Variants in ABCB4 observed in about 807,000 individuals in gnomAD.
ABCB4 encodes the protein phosphatidylcholine translocator ABCB4.
A neutral mutation model predicts 145.7 loss-of-function variants in ABCB4; 76 were observed. The observed-to-expected ratio is 0.52, with a 90% CI of 0.43 to 0.63. ABCB4 has a LOEUF of 0.63. Among genes scored for constraint, ABCB4 ranks in the 30% least tolerant of loss-of-function variants. The pLI, the probability that ABCB4 is intolerant of heterozygous loss-of-function variation, is 0.00. For synonymous variants in ABCB4, 517 were observed against 566.8 expected (o/e 0.91, Z 1.25); for missense variants, 1,234 against 1,553.1 (o/e 0.79, Z 3.45).
chr7:87,472,595 T>G, intron 3 of ABCB4, 26 bp downstream of exon 3: 2 of 1,566,216 alleles, frequency 1.3e-6, no homozygotes, highest in East Asian at 4.5e-5. Context: ...GGTAGGATTA[T>G]TCACATTTAA....
Position 87,453,152 on chromosome 7 carries a change from A to G in ABCB4, c.345-17T>C, listed in dbSNP as rs376097199. The G allele has an allele frequency of 2.5e-6, 4 of 1,609,184 alleles. No homozygotes were observed. The highest frequency in any genetic ancestry group is 2.6e-6 in the Non-Finnish European group (3 of 1,175,718). On this transcript the variant is annotated splice_polypyrimidine_tract_variant and intron_variant, in intron 5 of 27. Transcript: ENST00000649586. Reference sequence around the variant, plus strand: ...TATGCATATCTGAAAAAAAAGAGAAAGGCTCTATTAAATACCTTCTCTTTT... The same window carrying G: ...TATGCATATCTGAAAAAAAAGAGAAGGGCTCTATTAAATACCTTCTCTTTT...
chr7:87,454,337 C>T (rs1332918850), intron 5 of ABCB4, among the ~76,000 whole-genome samples, 198 bp downstream of exon 5: 1 of 152,078 alleles, frequency 6.6e-6, no homozygotes, highest in Non-Finnish European at 1.5e-5. Context: ...AAGAAAATAT[C>T]CTTATTCTTA....
intron 3 of ABCB4, among the ~76,000 whole-genome samples, chr7:87,466,263 A>T (rs1812889692): frequency 6.6e-6 from 1 of 152,254 alleles, no homozygotes; most frequent in Non-Finnish European, 1.5e-5. Context: ...CACAAGCTTC[A>T]GTAGCCAATT....
At chr7:87,443,967 T>C (rs558932591) in intron 10 of ABCB4, among the ~76,000 whole-genome samples, 194 bp from the exon 11 acceptor site, 1 of 152,212 alleles carries the variant, frequency 6.6e-6, no homozygotes, top group Non-Finnish European at 1.5e-5. Flanking sequence ...CAGAAAATAG[T>C]GTTTTCCTGA....
rs900399695 is a variant in ABCB4, at chr7:87,424,112, G to GACTGGT, written c.2065-61_2065-60insACCAGT. On this transcript the variant is annotated intron_variant, in intron 16 of 27. Coordinates refer to ENST00000649586, the MANE Select transcript of ABCB4 (RefSeq NM_000443.4). ...GACACAACAGTTACCAGAGTCTGTA[G>GACTGGT]ACATAGAAAAGGCATGGCCATTGCC... is the stretch of plus-strand genomic sequence containing the variant. 2.0e-4 allele frequency: 328 copies of GACTGGT among 1,611,512 alleles called. No individual in the cohort carries two copies. In the African/African-American group the frequency reaches 4.0e-3, roughly 20 times the overall value.
At chr7:87,405,673 C>T (rs959898246) in intron 26 of ABCB4, among the ~76,000 whole-genome samples, 1 of 152,136 alleles carries the variant, frequency 6.6e-6, no homozygotes, top group African/African-American at 2.4e-5. Flanking sequence ...AATCCACCCA[C>T]CTTGGCCTCC....
the ABCB4 span, chr7:87,392,419 A>G: frequency 3.1e-6 from 2 of 650,770 alleles, no homozygotes; most frequent in Non-Finnish European, 5.4e-6. Flanking sequence ...TAACTGATGG[A>G]AAGATATAGG....
At chr7:87,378,962 T>C in the ABCB4 span, among the ~76,000 whole-genome samples, 2 of 152,246 alleles carry the variant, frequency 1.3e-5, no homozygotes, top group Non-Finnish European at 2.9e-5. Flanking sequence ...TCATTTATTT[T>C]GAAGATGTTC....
intron 6 of ABCB4, 39 bp downstream of exon 6, chr7:87,452,905 A>C (rs773012739): frequency 6.3e-7 from 1 of 1,592,644 alleles, no homozygotes; most frequent in Non-Finnish European, 8.6e-7. Context: ...CACAGTAATT[A>C]ATTTCTATAT....
At chr7:87,450,391 T>C (rs1414030721) in intron 7 of ABCB4, among the ~76,000 whole-genome samples, 1 of 152,218 alleles carries the variant, frequency 6.6e-6, no homozygotes, top group Non-Finnish European at 1.5e-5. Context: ...TGTTTTTCTT[T>C]GTTAGTTGTA....
chr7:87,469,684 G>A lies in ABCB4; in HGVS notation c.135+2937C>T, dbSNP rs536098433. 6.7e-3 allele frequency among the ~76,000 whole-genome samples: 1,013 copies of A among 152,120 alleles called. 16 individuals are homozygous for A. The highest frequency in any genetic ancestry group is 0.023 in the African/African-American group (959 of 41,492). On this transcript the variant is annotated intron_variant, in intron 3 of 27. Coordinates refer to ENST00000649586, the MANE Select transcript of ABCB4 (RefSeq NM_000443.4). Reference sequence around the variant, plus strand: ...AAGGGATGTGAAGGACCTCTTCAAGGAGAACTACAAACCACTGCTCAACGA... The same window carrying A: ...AAGGGATGTGAAGGACCTCTTCAAGAAGAACTACAAACCACTGCTCAACGA...
the ABCB4 span, among the ~76,000 whole-genome samples, chr7:87,384,832 T>G: frequency 6.6e-6 from 1 of 152,230 alleles, no homozygotes; most frequent in South Asian, 2.1e-4. Flanking sequence ...CTTTTAGTAG[T>G]TTTATAGTTT....
intron 6 of ABCB4, among the ~76,000 whole-genome samples, chr7:87,452,165 G>T (rs140254455): frequency 6.6e-6 from 1 of 152,152 alleles, no homozygotes; most frequent in South Asian, 2.1e-4. Flanking sequence ...TTATAGGGAA[G>T]TAATAGGGAA....
intron 14 of ABCB4, among the ~76,000 whole-genome samples, chr7:87,437,332 C>T (rs1810674539): frequency 6.6e-6 from 1 of 152,106 alleles, no homozygotes; most frequent in East Asian, 1.9e-4. Flanking sequence ...AGATGGCCAG[C>T]CAACAGCCAG....
intron 23 of ABCB4, 76 bp from the exon 24 acceptor site, chr7:87,409,468 T>C (rs1808449097): frequency 6.2e-6 from 9 of 1,462,126 alleles, no homozygotes; most frequent in Non-Finnish European, 8.6e-6. Flanking sequence ...AAAGGTATAG[T>C]GCTTACCAGT....
At chr7:87,415,360 G>T (rs1255782811) in intron 21 of ABCB4, among the ~76,000 whole-genome samples, 1 of 151,776 alleles carries the variant, frequency 6.6e-6, no homozygotes, top group Non-Finnish European at 1.5e-5. Context: ...GTGATTTGGG[G>T]TTTTTCTAGA....
chr7:87,418,766 C>T, intron 19 of ABCB4, 146 bp from the exon 20 acceptor site: 2 of 751,170 alleles, frequency 2.7e-6, no homozygotes, highest in East Asian at 2.7e-5. Flanking sequence ...TCTGAGCACA[C>T]ACCCCCAGAA....
chr7:87,431,032 TAA>T (rs1174117905), intron 15 of ABCB4, among the ~76,000 whole-genome samples: 1 of 152,172 alleles, frequency 6.6e-6, no homozygotes, highest in African/African-American at 2.4e-5. Context: ...ATGTTTCTGG[TAA>T]AGTCTCTGGC....
rs546142170 is a variant in ABCB4, at chr7:87,409,454, G to A, written c.2925-62C>T. On this transcript the variant is annotated intron_variant, in intron 23 of 27. Coordinates refer to ENST00000649586, the MANE Select transcript of ABCB4 (RefSeq NM_000443.4). ...ATAATTAACTCCATGATGTTTGAAA[G>A]TCTAAAGGTATAGTGCTTACCAGTA... 3.9e-6 allele frequency: 6 copies of A among 1,553,366 alleles called. No individual in the cohort carries two copies. The African/African-American group carries it at 6.8e-5, about 18-fold the overall frequency.
Sources: allele counts gnomAD v4.1 joint callset (sites outside exome capture counted in the v4.1 genomes callset), GRCh38; gene constraint gnomAD v4.1.1; transcripts MANE v1.5; gene names NCBI Gene and HGNC (gene_info 2026-07-23, HGNC 2026-07-21).